Variants in RYR3 observed in about 807,000 individuals in gnomAD.
RYR3 encodes the protein ryanodine receptor 3, also known as brain ryanodine receptor-calcium release channel.
RYR3 carries 207 observed loss-of-function variants against 584.3 expected under a neutral mutation model. That is an observed-to-expected ratio of 0.35 (90% confidence interval 0.32 to 0.40). The LOEUF (loss-of-function observed/expected upper bound fraction) is 0.40, where lower values mean the gene tolerates loss of function less well. Among genes scored for constraint, RYR3 ranks in the 10% least tolerant of loss-of-function variants. The probability of loss-of-function intolerance (pLI) is 1.00; values close to 1 mark genes in which losing one functional copy is unlikely to be tolerated. For synonymous variants in RYR3, 2,416 were observed against 2,248.5 expected (o/e 1.07, Z -2.11); for missense variants, 5,616 against 6,089.2 (o/e 0.92, Z 2.59).
chr15:33,735,541 T>G (rs902658037), intron 48 of RYR3, among the ~76,000 whole-genome samples: 1 of 152,210 alleles, frequency 6.6e-6, no homozygotes, highest in African/African-American at 2.4e-5. Flanking sequence ...GTGTACACCT[T>G]TCTCTGGAGA....
chr15:33,798,329 G>C (rs1468502782), intron 67 of RYR3, among the ~76,000 whole-genome samples: 1 of 152,130 alleles, frequency 6.6e-6, no homozygotes, highest in Admixed American at 6.5e-5. Flanking sequence ...GACCTCAAGT[G>C]ATCCACCTGT....
At position 33,820,811 on chromosome 15, in the gene RYR3, A is replaced by G; in HGVS notation, c.10814A>G (p.Glu3605Gly). The G allele has an allele frequency of 1.3e-6, 2 of 1,571,786 alleles. No homozygotes were observed. The highest frequency in any genetic ancestry group is 1.7e-6 in the Non-Finnish European group (2 of 1,160,026). The change falls in exon 78 of 104, where the codon GAA (glutamate) becomes GGA (glycine). Residue 3605 changes from glutamate to glycine, a missense_variant and splice_region_variant. Physicochemically the swap from Glu to Gly is moderately conservative, Grantham distance 98 (BLOSUM62 -2). This residue lies in a region of RYR3 where 954 missense variants were observed against 1,132.2 expected (regional missense o/e 0.84). Transcript: ENST00000634891. ...GATGAAGACAAGGAAAAAACATTCG[A>G]AGTAAGTTCTCATGAAGAATAAAAA... ...EEDEDKEKTF[E>G]EKEMEKQKTL...
At chr15:33,625,059 G>A (rs1489124445) in intron 20 of RYR3, among the ~76,000 whole-genome samples, 2 of 152,176 alleles carry the variant, frequency 1.3e-5, no homozygotes, top group African/African-American at 4.8e-5. Flanking sequence ...AAAGAAAAGA[G>A]GTTTAGTTGA....
intron 3 of RYR3, among the ~76,000 whole-genome samples, chr15:33,507,238 C>T (rs2052560629): frequency 6.6e-6 from 1 of 152,168 alleles, no homozygotes; most frequent in Non-Finnish European, 1.5e-5. Flanking sequence ...ATTTCTCTTG[C>T]TAACAAAGAA....
At position 33,697,940 on chromosome 15, in the gene RYR3, A is replaced by T. The variant is rs1004221195; in HGVS notation, c.6193A>T (p.Met2065Leu). The T allele has an allele frequency of 3.1e-6, 5 of 1,613,910 alleles. No individual in the cohort carries two copies. Among genetic ancestry groups the T allele is most frequent in the Non-Finnish European group, 4.2e-6 (5 of 1,179,892 alleles). Reference sequence around the variant, plus strand: ...TCCCAACCTCATGAGAGTCCTGGGCATGCACGAGACGGTGATGGAGGTGAT... The same window carrying T: ...TCCCAACCTCATGAGAGTCCTGGGCTTGCACGAGACGGTGATGGAGGTGAT... ...QHPNLMRVLG[M>L]HETVMEVMVN... Residue 2065 changes from methionine to leucine, a missense_variant, in exon 40 of 104, where the codon ATG becomes TTG. Met to Leu is a conservative substitution (Grantham distance 15). Around this residue, in one of 9 missense-constraint regions of RYR3, gnomAD observed 1,280 missense variants for 1,426.2 expected, o/e 0.90. Coordinates refer to ENST00000634891, the MANE Select transcript of RYR3 (RefSeq NM_001036.6).
chr15:33,844,982 A>G lies in RYR3; in HGVS notation c.13417A>G (p.Met4473Val). The G allele has an allele frequency of 1.2e-6, 2 of 1,613,996 alleles. No individual in the cohort carries two copies. Among genetic ancestry groups the G allele is most frequent in the South Asian group, 2.2e-5 (2 of 91,084 alleles). The change falls in exon 93 of 104, where the codon ATG (methionine) becomes GTG (valine). Residue 4473 changes from methionine (M) to valine (V), a missense_variant. By Grantham distance (21) the Met-to-Val change is conservative. This residue lies in a region of RYR3 where 918 missense variants were observed against 887.4 expected (regional missense o/e 1.03). Coordinates refer to ENST00000634891, the MANE Select transcript of RYR3 (RefSeq NM_001036.6). ...TGTCCTTCAGGAGAGCACCGGGTAT[A>G]TGGCACCAACCCTGCGTGCCCTGGC... is the stretch of plus-strand genomic sequence containing the variant. Reference protein sequence around the residue: ...FFVLQESTGYMAPTLRALAII... With the variant: ...FFVLQESTGYVAPTLRALAII...
rs1566832436 is a variant in RYR3, at chr15:33,634,594, G to T, written c.3036G>T (p.Lys1012Asn). The change falls in exon 25 of 104, where the codon AAG becomes AAT. Residue 1012 changes from lysine to asparagine, a missense_variant. By Grantham distance (94) the Lys-to-Asn change is moderately conservative (BLOSUM62 0). Around this residue, in one of 9 missense-constraint regions of RYR3, gnomAD observed 1,284 missense variants for 1,344.6 expected, o/e 0.95. Coordinates refer to ENST00000634891, the MANE Select transcript of RYR3 (RefSeq NM_001036.6). ...GWTYGIQQDLKNKRNPRLVPY... is the reference protein window; with the variant it reads ...GWTYGIQQDLNNKRNPRLVPY... ...TCTCTGGCGTCACATAGGATTTGAA[G>T]AACAAAAGAAATCCCCGTCTGGTGC... 1.2e-6 allele frequency: 2 copies of T among 1,613,898 alleles called. No individual in the cohort carries two copies. Among genetic ancestry groups the T allele is most frequent in the African/African-American group, 2.7e-5 (2 of 75,028 alleles).
chr15:33,761,563 G>A (rs994921408), intron 60 of RYR3, among the ~76,000 whole-genome samples: 36 of 152,182 alleles, frequency 2.4e-4, no homozygotes, highest in African/African-American at 7.5e-4. Flanking sequence ...GGAAGAAGTC[G>A]AATCCCTGAA....
chr15:33,729,956 C>T lies in RYR3; in HGVS notation c.7203+930C>T, dbSNP rs191988559. Among the ~76,000 whole-genome samples the T allele has an allele frequency of 1.5e-3, 229 of 152,180 alleles. 1 individual carries two copies. Among genetic ancestry groups the T allele is most frequent in the African/African-American group, 4.9e-3 (203 of 41,518 alleles). On this transcript the variant is annotated intron_variant, in intron 47 of 103. Transcript: ENST00000634891. Reference sequence around the variant, plus strand: ...AATGGAAAGAAATATGAGCCCCAACCTGAGTGGGAGCTGCATTCCCATGTG... The same window carrying T: ...AATGGAAAGAAATATGAGCCCCAACTTGAGTGGGAGCTGCATTCCCATGTG...
At chr15:33,510,925 T>G (rs2052926385) in intron 3 of RYR3, among the ~76,000 whole-genome samples, 2 of 152,238 alleles carry the variant, frequency 1.3e-5, no homozygotes, top group Non-Finnish European at 2.9e-5. Flanking sequence ...TGAAGATATG[T>G]GCAAATAACT....
intron 1 of RYR3, among the ~76,000 whole-genome samples, chr15:33,374,364 ATGTGTG>A (rs138831585): frequency 0.038 from 5,569 of 144,862 alleles, 333 homozygotes; most frequent in African/African-American, 0.13. Context: ...GTACGAGTGT[ATGTGTG>A]TGTGTGTGTG....
At chr15:33,446,564 C>G (rs1391578380) in intron 1 of RYR3, among the ~76,000 whole-genome samples, 2 of 152,196 alleles carry the variant, frequency 1.3e-5, no homozygotes, top group East Asian at 1.9e-4. Flanking sequence ...GGTCGGCCCT[C>G]TGTGTGTGTC....
intron 1 of RYR3, among the ~76,000 whole-genome samples, chr15:33,397,904 C>T (rs1273568320): frequency 6.6e-6 from 1 of 152,158 alleles, no homozygotes; most frequent in Non-Finnish European, 1.5e-5. Context: ...GATCTCCCAT[C>T]CCATCATGGC....
intron 60 of RYR3, among the ~76,000 whole-genome samples, chr15:33,758,104 T>C (rs997163904): frequency 6.6e-6 from 1 of 152,124 alleles, no homozygotes; most frequent in East Asian, 1.9e-4. Context: ...AACGGTGCAT[T>C]CTGGCCCAGA....
chr15:33,511,206 A>G (rs1013269736), intron 3 of RYR3, among the ~76,000 whole-genome samples: 2 of 151,946 alleles, frequency 1.3e-5, no homozygotes, highest in Non-Finnish European at 2.9e-5. Context: ...TAGTTTGTTG[A>G]TGACATCAGC....
At chr15:33,373,716 G>C (rs1011216625) in intron 1 of RYR3, among the ~76,000 whole-genome samples, 1 of 152,080 alleles carries the variant, frequency 6.6e-6, no homozygotes, top group Non-Finnish European at 1.5e-5. Flanking sequence ...TTTAGTAAAA[G>C]GCATCACAAT....
At chr15:33,740,234 G>A (rs1391468017) in intron 51 of RYR3, among the ~76,000 whole-genome samples, 1 of 152,172 alleles carries the variant, frequency 6.6e-6, no homozygotes, top group African/African-American at 2.4e-5. Context: ...ACCAGAGATA[G>A]ACGTTCCCAC....
chr15:33,576,560 T>C (rs1335453583), intron 12 of RYR3, among the ~76,000 whole-genome samples: 2 of 152,186 alleles, frequency 1.3e-5, no homozygotes, highest in Non-Finnish European at 2.9e-5. Context: ...TTTGATAAAA[T>C]TCAACATTTC....
intron 52 of RYR3, among the ~76,000 whole-genome samples, chr15:33,743,192 C>T (rs2070338286): frequency 6.6e-6 from 1 of 152,136 alleles, no homozygotes; most frequent in African/African-American, 2.4e-5. Context: ...AGAGAAGGGA[C>T]ACCTTGAACC....
Sources: allele counts gnomAD v4.1 joint callset (sites outside exome capture counted in the v4.1 genomes callset), GRCh38; gene constraint gnomAD v4.1.1; regional missense constraint gnomAD v4.1.1; transcripts MANE v1.5; gene names NCBI Gene and HGNC (gene_info 2026-07-23, HGNC 2026-07-21).